NCOR2: variants seen among roughly 807,000 people sequenced by gnomAD.
NCOR2 encodes the protein nuclear receptor corepressor 2, also known as CTG repeat protein 26.
In NCOR2, 81 loss-of-function variants were observed where a neutral mutation model predicts 262.9. The ratio of observed to expected loss-of-function variants is 0.31; its 90% CI spans 0.26 to 0.37. The LOEUF (loss-of-function observed/expected upper bound fraction) is 0.37, where lower values mean the gene tolerates loss of function less well. NCOR2 is among the 10% of genes least tolerant of loss of function. The pLI, the probability that NCOR2 is intolerant of heterozygous loss-of-function variation, is 1.00. For synonymous variants in NCOR2, 1,659 were observed against 1,559.3 expected, an observed-to-expected ratio of 1.06 and a Z score of -1.51; for missense variants, 3,385 against 3,621.4, an observed-to-expected ratio of 0.93 and a Z score of 1.68.
intron 1 of NCOR2, among the ~76,000 whole-genome samples, chr12:124,508,130 C>T (rs1350121713): frequency 6.6e-6 from 1 of 152,268 alleles, no homozygotes; most frequent in Non-Finnish European, 1.5e-5. Context: ...CCAACCCATC[C>T]CAGCCCCCAG....
chr12:124,567,598 C>CGCGGCG (rs1555247060), upstream of NCOR2: 7 of 138,740 alleles, frequency 5.0e-5, no homozygotes, highest in African/African-American at 1.5e-4. Flanking sequence ...CCCCGGCGGC[C>CGCGGCG]GCGGCGGCGG....
Position 124,333,125 on chromosome 12 carries a change from A to G in NCOR2, c.6755+5T>C. The G allele has an allele frequency of 6.3e-7, 1 of 1,597,254 alleles. No homozygotes were observed. The highest frequency in any genetic ancestry group is 8.5e-7 in the Non-Finnish European group (1 of 1,170,556). On this transcript the variant is annotated splice_donor_5th_base_variant and intron_variant, in intron 42 of 46. Transcript: ENST00000405201. ...CGGGGGCAGCGCATGTGCCCACAGA[A>G]GTACCTGGGCTCCGTCTGTTCCCCA... is the stretch of plus-strand genomic sequence containing the variant.
At chr12:124,400,758 G>A in intron 14 of NCOR2, 85 bp from the exon 17 acceptor site, 1 of 1,514,272 alleles carries the variant, frequency 6.6e-7, no homozygotes, top group Non-Finnish European at 9.0e-7. Flanking sequence ...TCTTTAGCTG[G>A]ATTTGCACTG....
Position 124,566,493 on chromosome 12 carries a change from G to T in NCOR2, c.-165+815C>A, listed in dbSNP as rs2052243837. On this transcript the variant is annotated intron_variant, in intron 1 of 32. Coordinates refer to the NCOR2 transcript ENST00000458234. This position sits in a 1 kb window ranked among gnomAD's most constrained non-coding sequence, Gnocchi z 4.3. Reference sequence around the variant, plus strand: ...TCCTGCAAGTGTCTGGGGCGGGGAGGGCGTACCCCACGGGTGCCCTCACTC... The same window carrying T: ...TCCTGCAAGTGTCTGGGGCGGGGAGTGCGTACCCCACGGGTGCCCTCACTC... 6.6e-6 allele frequency among the ~76,000 whole-genome samples: 1 copy of T among 152,186 alleles called. No homozygotes were observed. The highest frequency in any genetic ancestry group is 1.5e-5 in the Non-Finnish European group (1 of 68,018).
intron 30 of NCOR2, chr12:124,347,301 G>C (rs2037014630): frequency 5.8e-6 from 1 of 172,584 alleles, no homozygotes. Flanking sequence ...CTGAAAGGCG[G>C]AGGCTGCAGT....
intron 22 of NCOR2, among the ~76,000 whole-genome samples, chr12:124,361,360 C>T (rs962524944): frequency 8.5e-5 from 13 of 152,246 alleles, no homozygotes; most frequent in African/African-American, 2.9e-4. Context: ...ACAACAGCAC[C>T]TGCTGCGTGC....
chr12:124,455,209 A>C (rs2059443204), intron 6 of NCOR2, among the ~76,000 whole-genome samples: 1 of 152,224 alleles, frequency 6.6e-6, no homozygotes, highest in South Asian at 2.1e-4. Flanking sequence ...ACTGAACTGG[A>C]CACTTTGAGT....
At chr12:124,388,770 C>CCGGCAGGCTGGGCGGCCG in intron 16 of NCOR2, 3 of 1,303,436 alleles carry the variant, frequency 2.3e-6, no homozygotes, top group Non-Finnish European at 3.0e-6. Flanking sequence ...CCGAAGTGGG[C>CCGGCAGGCTGGGCGGCCG]CGGCAGGCTG....
intron 45 of NCOR2, among the ~76,000 whole-genome samples, chr12:124,326,770 C>A (rs529988171): frequency 1.4e-3 from 208 of 152,170 alleles, no homozygotes; most frequent in Non-Finnish European, 1.7e-3. Context: ...GAAGTCAGGA[C>A]CCCTGAGGCC....
rs771082973 is a variant in NCOR2, at chr12:124,372,309, C to T, written c.2520G>A (p.Gly840=). Reference sequence around the variant, plus strand: ...CAGCCGCGGGGGGCTTCTGCTCCTCCCCCTCCTCCACTGGGGGCGCTGCTG... The same window carrying T: ...CAGCCGCGGGGGGCTTCTGCTCCTCTCCCTCCTCCACTGGGGGCGCTGCTG... Residue 840 remains glycine (G), a synonymous_variant, in exon 20 of 47, where the codon GGG becomes GGA. Transcript: ENST00000405201. 14 of 1,530,084 alleles carry T rather than the reference C, an allele frequency of 9.1e-6. No homozygotes were observed. The South Asian group carries it at 1.4e-4, about 15-fold the overall frequency. The allele number at this position is 1,530,084 out of a possible 1,614,324, so 94.8% of individuals were successfully genotyped here.
At position 124,493,454 on chromosome 12, in the gene NCOR2, C is replaced by T. The variant is rs76604125; in HGVS notation, c.105+1693G>A. Among the ~76,000 whole-genome samples, 808 of 152,336 alleles carry T rather than the reference C, an allele frequency of 5.3e-3. 10 individuals carry two copies. The highest frequency in any genetic ancestry group is 0.018 in the African/African-American group (739 of 41,564). ...CATTCGGCATATCCCCTTTACCCCT[C>T]GTGAGAATCTAGGAGACAGGTACTC... On this transcript the variant is annotated intron_variant, in intron 1 of 46. Transcript: ENST00000405201.
At chr12:124,343,173 G>A (rs941902871) in exon 33 of NCOR2, 32 of 1,609,868 alleles carry the variant, frequency 2.0e-5, no homozygotes, top group South Asian at 4.4e-5. Context: ...GCGATCTCAC[G>A]AGGCGTCGAC....
intron 1 of NCOR2, among the ~76,000 whole-genome samples, chr12:124,521,037 G>C (rs533902455): frequency 1.3e-5 from 2 of 152,226 alleles, no homozygotes; most frequent in Admixed American, 6.5e-5. Flanking sequence ...CTCAGCTGGC[G>C]AATGGGGGAG....
rs540553262 is a variant in NCOR2, at chr12:124,399,159, A to G, written c.1814-978T>C. Among the ~76,000 whole-genome samples the G allele has an allele frequency of 2.6e-5, 4 of 152,044 alleles. 1 individual carries two copies. The South Asian group carries it at 8.3e-4, about 32-fold the overall frequency. On this transcript the variant is annotated intron_variant, in intron 15 of 46. Transcript: ENST00000405201. ...GGCCCCCACCCCCATGGGCAGCCCC[A>G]TCAGCCCCGACAGGCCAGAGCCACC...
At chr12:124,362,040 G>C (rs2038630490) in intron 22 of NCOR2, 86 bp downstream of exon 24, 3 of 1,170,982 alleles carry the variant, frequency 2.6e-6, no homozygotes, top group Admixed American at 8.4e-5. Flanking sequence ...CATGGGGTTT[G>C]CAGCAGCTGC....
At chr12:124,461,252 C>T (rs1032173820) in intron 5 of NCOR2, among the ~76,000 whole-genome samples, 11 of 152,212 alleles carry the variant, frequency 7.2e-5, no homozygotes, top group African/African-American at 2.4e-4. Context: ...GGGCTGACGC[C>T]GCAGGGGAGG....
chr12:124,390,488 G>A (rs1277305314), intron 16 of NCOR2, among the ~76,000 whole-genome samples: 6 of 49,670 alleles, frequency 1.2e-4, no homozygotes, highest in African/African-American at 4.6e-4. Context: ...ACCCCCCCCC[G>A]TCGCCCTGCC....
rs2049885877 is a variant in NCOR2 at position 124,517,514 on chromosome 12, TGG to T, written c.-118+18049_-118+18050del. Among the ~76,000 whole-genome samples the T allele has an allele frequency of 6.6e-6, 1 of 152,078 alleles. No individual in the cohort carries two copies. Among genetic ancestry groups the T allele is most frequent in the Non-Finnish European group, 1.5e-5 (1 of 67,996 alleles). ...GGCACCGAGCCAAGCGCCACCTCGG[TGG>T]GGAGCCGGGCGCCGGGGCCGGGCTG... On this transcript the variant is annotated intron_variant, in intron 1 of 46. Transcript: ENST00000404621. The surrounding 1 kb of genome is among the most constrained non-coding windows in gnomAD (Gnocchi z 7.6).
intron 1 of NCOR2, among the ~76,000 whole-genome samples, chr12:124,533,170 G>A (rs917796999): frequency 3.3e-5 from 5 of 151,210 alleles, no homozygotes; most frequent in African/African-American, 4.9e-5. Context: ...CCCAGCCCCA[G>A]GAAGCAGATG....
Sources: gnomAD v4.1 joint callset for allele counts (sites outside exome capture counted in the v4.1 genomes callset) on GRCh38, gnomAD v4.1.1 for gene constraint, Gnocchi (gnomAD v3.1) non-coding constraint, MANE v1.5 for transcripts, NCBI Gene and HGNC (gene_info 2026-07-23, HGNC 2026-07-21) for gene names.